Variants in PTPRD observed in about 807,000 individuals in gnomAD.
The protein encoded by PTPRD is receptor-type tyrosine-protein phosphatase delta.
In PTPRD, 34 loss-of-function variants were observed where a neutral mutation model predicts 214.5. The ratio of observed to expected loss-of-function variants is 0.16; its 90% confidence interval spans 0.12 to 0.21. PTPRD has a LOEUF of 0.21. Ranked by LOEUF, PTPRD falls within the 10% of genes least tolerant of loss-of-function variation. The probability of loss-of-function intolerance (pLI) is 1.00; values close to 1 mark genes in which losing one functional copy is unlikely to be tolerated. For missense variants in PTPRD, 2,545 were observed against 2,398.7 expected (o/e 1.06, Z -1.27); for synonymous variants, 1,128 against 845.7 (o/e 1.33, Z -5.79).
chr9:9,346,086 G>C (rs940051761), intron 9 of PTPRD, among the ~76,000 whole-genome samples: 1 of 152,034 alleles, frequency 6.6e-6, no homozygotes, highest in African/African-American at 2.4e-5. Context: ...TAGTGCTGTG[G>C]AAGTCTCTCA....
chr9:9,908,717 G>A lies in PTPRD; in HGVS notation c.-368+29790C>T, dbSNP rs546594757. 2.0e-5 allele frequency among the ~76,000 whole-genome samples: 3 copies of A among 151,962 alleles called. No individual in the cohort carries two copies. In the East Asian group the frequency reaches 5.8e-4, roughly 29 times the overall value. On this transcript the variant is annotated intron_variant, in intron 5 of 45. Transcript: ENST00000381196. The stretch of plus-strand genomic sequence containing the variant: ...TCTTGCTTATATTTTTTCTGTGCTG[G>A]TTGCTTAATATATCAAGTATTTCAG...
intron 35 of PTPRD, among the ~76,000 whole-genome samples, chr9:8,430,657 C>G (rs1343731283): frequency 1.3e-5 from 2 of 151,996 alleles, no homozygotes; most frequent in African/African-American, 4.8e-5. Flanking sequence ...GGGGTAGTAC[C>G]TATAATTCTA....
At chr9:9,171,092 A>G (rs540129388) in intron 10 of PTPRD, among the ~76,000 whole-genome samples, 1 of 152,156 alleles carries the variant, frequency 6.6e-6, no homozygotes, top group Non-Finnish European at 1.5e-5. Flanking sequence ...AAACATTACA[A>G]ATTGAAAGTC....
intron 11 of PTPRD, among the ~76,000 whole-genome samples, chr9:8,825,355 T>C (rs1299529310): frequency 6.6e-6 from 1 of 152,214 alleles, no homozygotes; most frequent in African/African-American, 2.4e-5. Context: ...AATTGTGTCC[T>C]GTGACAAAAG....
At chr9:10,482,815 C>T (rs368649651) in intron 2 of PTPRD, among the ~76,000 whole-genome samples, 1 of 151,964 alleles carries the variant, frequency 6.6e-6, no homozygotes, top group African/African-American at 2.4e-5. Flanking sequence ...TCACAGATGA[C>T]ACGAACAAAT....
intron 14 of PTPRD, among the ~76,000 whole-genome samples, chr9:8,588,108 A>G (rs547299040): frequency 1.3e-5 from 2 of 152,288 alleles, no homozygotes; most frequent in Admixed American, 6.5e-5. Context: ...ATTTTGTTTT[A>G]CTCTGTGACT....
intron 34 of PTPRD, among the ~76,000 whole-genome samples, chr9:8,438,242 T>G (rs974216036): frequency 6.6e-6 from 1 of 152,158 alleles, no homozygotes; most frequent in African/African-American, 2.4e-5. Context: ...GCCAAATTAT[T>G]AATGGTTCTG....
chr9:8,735,856 G>A (rs2090182521), intron 11 of PTPRD, among the ~76,000 whole-genome samples: 1 of 146,920 alleles, frequency 6.8e-6, no homozygotes, highest in African/African-American at 2.5e-5. Context: ...AGGTTTTGGT[G>A]AGCCAAGGTC....
Position 8,436,695 on chromosome 9 carries a change from G to GA in PTPRD, c.3989-7dup. On this transcript the variant is annotated splice_polypyrimidine_tract_variant and splice_region_variant and intron_variant, in intron 34 of 45. Coordinates refer to ENST00000381196, the MANE Select transcript of PTPRD (RefSeq NM_002839.4). ...TGGAGGATGGCTAGCCATACCTATT[G>GA]AAAAAAGCAAAGAAGAAACACATTT... 10 of 1,597,544 alleles carry GA rather than the reference G, an allele frequency of 6.3e-6. No individual in the cohort carries two copies. The highest frequency in any genetic ancestry group is 8.6e-6 in the Non-Finnish European group (10 of 1,167,782).
chr9:9,326,752 C>T (rs2040104221), intron 9 of PTPRD, among the ~76,000 whole-genome samples: 1 of 151,522 alleles, frequency 6.6e-6, no homozygotes, highest in African/African-American at 2.4e-5. Context: ...CAGAAATATG[C>T]AGGCATCCCA....
intron 5 of PTPRD, among the ~76,000 whole-genome samples, chr9:9,834,687 C>T (rs931281123): frequency 1.3e-5 from 2 of 152,028 alleles, no homozygotes; most frequent in African/African-American, 2.4e-5. Context: ...AATTGCATAT[C>T]TCTAGGAAGG....
chr9:10,502,523 G>A (rs949650737), intron 2 of PTPRD, among the ~76,000 whole-genome samples: 6 of 151,934 alleles, frequency 3.9e-5, no homozygotes, highest in Non-Finnish European at 7.4e-5. Context: ...TTTGATTAAA[G>A]GTCAGATGTT....
At chr9:9,054,807 C>T (rs1240325923) in intron 10 of PTPRD, among the ~76,000 whole-genome samples, 1 of 152,056 alleles carries the variant, frequency 6.6e-6, no homozygotes, top group Non-Finnish European at 1.5e-5. Flanking sequence ...TCCTGTAGGT[C>T]AAGTAGGAGA....
chr9:8,903,247 T>A (rs73640964), intron 11 of PTPRD, among the ~76,000 whole-genome samples: 8,457 of 152,062 alleles, frequency 0.056, 741 homozygotes, highest in African/African-American at 0.19. Context: ...ATATGAATCA[T>A]CTCATCTCCC....
intron 5 of PTPRD, among the ~76,000 whole-genome samples, chr9:9,914,567 C>A (rs1236332788): frequency 6.6e-5 from 10 of 152,200 alleles, no homozygotes; most frequent in Admixed American, 3.9e-4. Flanking sequence ...AGACACACAG[C>A]CAGGCTGGCT....
At chr9:8,798,199 C>A (rs574752620) in intron 11 of PTPRD, among the ~76,000 whole-genome samples, 1 of 152,080 alleles carries the variant, frequency 6.6e-6, no homozygotes, top group South Asian at 2.1e-4. Flanking sequence ...TGTCTCTTTT[C>A]CCAATCAAGT....
At chr9:9,388,696 A>G (rs1277899927) in intron 9 of PTPRD, among the ~76,000 whole-genome samples, 1 of 152,016 alleles carries the variant, frequency 6.6e-6, no homozygotes, top group Admixed American at 6.6e-5. Context: ...AATCTGCCAT[A>G]AAAAAATTAA....
intron 9 of PTPRD, among the ~76,000 whole-genome samples, chr9:9,333,600 G>A (rs1398043228): frequency 6.7e-6 from 1 of 149,590 alleles, no homozygotes; most frequent in Non-Finnish European, 1.5e-5. Context: ...TAAAAGAAAA[G>A]CACTGGTCTG....
At chr9:9,743,918 C>T (rs1024698243) in intron 6 of PTPRD, among the ~76,000 whole-genome samples, 1 of 152,094 alleles carries the variant, frequency 6.6e-6, no homozygotes, top group Non-Finnish European at 1.5e-5. Context: ...TGTAGCCTCT[C>T]TACTCCTTAT....
Sources: gnomAD v4.1 joint callset for allele counts (sites outside exome capture counted in the v4.1 genomes callset) on GRCh38, gnomAD v4.1.1 for gene constraint, MANE v1.5 for transcripts, NCBI Gene and HGNC (gene_info 2026-07-23, HGNC 2026-07-21) for gene names.